The following DAGLA variants were observed in gnomAD, a reference collection of about 807,000 sequenced individuals.
DAGLA encodes diacylglycerol lipase alpha.
Under a neutral mutation model 102.6 loss-of-function variants are expected in DAGLA, and 22 were observed. The ratio of observed to expected loss-of-function variants is 0.21; its 90% CI spans 0.15 to 0.31. The LOEUF (loss-of-function observed/expected upper bound fraction) is 0.31. Among genes scored for constraint, DAGLA ranks in the 10% least tolerant of loss-of-function variants. The pLI, the probability that DAGLA is intolerant of heterozygous loss-of-function variation, is 1.00. For synonymous variants in DAGLA, 578 were observed against 628.9 expected, an observed-to-expected ratio of 0.92 and a Z score of 1.21; for missense variants, 927 against 1,446.6, an observed-to-expected ratio of 0.64 and a Z score of 5.83.
At chr11:61,719,433 A>G (rs992795263) in intron 1 of DAGLA, among the ~76,000 whole-genome samples, 1 of 152,258 alleles carries the variant, frequency 6.6e-6, no homozygotes, top group Non-Finnish European at 1.5e-5. Context: ...CCCTGGAGGC[A>G]TAGCTGTGGT....
chr11:61,702,544 C>T (rs1311801629), intron 1 of DAGLA, among the ~76,000 whole-genome samples: 1 of 152,220 alleles, frequency 6.6e-6, no homozygotes, highest in East Asian at 1.9e-4. Flanking sequence ...CCCCCTCATC[C>T]TCCAGATGAA....
chr11:61,703,504 G>A (rs1053454924), intron 1 of DAGLA, among the ~76,000 whole-genome samples: 2 of 152,212 alleles, frequency 1.3e-5, no homozygotes, highest in Non-Finnish European at 2.9e-5. Context: ...CGTTCGGCAC[G>A]CCTGGCCTGT....
intron 1 of DAGLA, among the ~76,000 whole-genome samples, chr11:61,708,255 G>A (rs570941074): frequency 8.5e-5 from 13 of 152,264 alleles, no homozygotes; most frequent in African/African-American, 2.4e-5. Context: ...TCATCCGCCC[G>A]CTTAGGCCTC....
chr11:61,698,724 G>A (rs2065086281), intron 1 of DAGLA, among the ~76,000 whole-genome samples: 1 of 152,198 alleles, frequency 6.6e-6, no homozygotes, highest in Non-Finnish European at 1.5e-5. Flanking sequence ...CAGCTGCTAG[G>A]CACCAGGCGT....
chr11:61,709,154 A>G (rs538821197), intron 1 of DAGLA, among the ~76,000 whole-genome samples: 1 of 152,158 alleles, frequency 6.6e-6, no homozygotes, highest in South Asian at 2.1e-4. Context: ...GTAAAACTCT[A>G]AAAGTCCAGA....
chr11:61,716,857 T>A (rs2065239469), intron 1 of DAGLA, among the ~76,000 whole-genome samples: 1 of 152,044 alleles, frequency 6.6e-6, no homozygotes, highest in African/African-American at 2.4e-5. Context: ...GCTGTGTGGG[T>A]GGGGGAAGAA....
At chr11:61,681,885 A>T (rs2135543019) in intron 1 of DAGLA, among the ~76,000 whole-genome samples, 1 of 152,312 alleles carries the variant, frequency 6.6e-6, no homozygotes, top group African/African-American at 2.4e-5. Context: ...ACAGAGAAGC[A>T]ATTTGCAGCT....
chr11:61,729,117 C>A (rs1002947734), intron 8 of DAGLA, 109 bp downstream of exon 8: 1 of 951,148 alleles, frequency 1.1e-6, no homozygotes, highest in Non-Finnish European at 1.7e-6. Context: ...GCCACATTGC[C>A]CCTGCCCGGT....
At chr11:61,707,138 G>A (rs2065156827) in intron 1 of DAGLA, among the ~76,000 whole-genome samples, 2 of 152,236 alleles carry the variant, frequency 1.3e-5, no homozygotes, top group South Asian at 4.1e-4. Context: ...CCGTGTCCTC[G>A]TGAAGTGGGA....
intron 9 of DAGLA, 55 bp downstream of exon 9, chr11:61,731,496 G>A: frequency 1.2e-6 from 2 of 1,602,814 alleles, no homozygotes; most frequent in Non-Finnish European, 1.7e-6. Flanking sequence ...CGGGTGGTGT[G>A]TGAGGAAGGG....
intron 12 of DAGLA, among the ~76,000 whole-genome samples, chr11:61,736,041 G>A (rs756133578): frequency 5.4e-4 from 82 of 152,144 alleles, no homozygotes; most frequent in Non-Finnish European, 1.0e-3. Flanking sequence ...AGGCAGCTGC[G>A]GAGAGATCAT....
intron 19 of DAGLA, among the ~76,000 whole-genome samples, chr11:61,742,316 C>G (rs1466355631): frequency 6.6e-6 from 1 of 152,150 alleles, no homozygotes; most frequent in Non-Finnish European, 1.5e-5. Flanking sequence ...AAGTGGTAGT[C>G]CTTCCAGGGG....
At chr11:61,685,089 C>T (rs1341202332) in intron 1 of DAGLA, among the ~76,000 whole-genome samples, 1 of 152,020 alleles carries the variant, frequency 6.6e-6, no homozygotes, top group Non-Finnish European at 1.5e-5. Context: ...TGGGGACAGT[C>T]CCCTCCCCCC....
At chr11:61,737,068 A>G in intron 13 of DAGLA, 114 bp from the exon 14 acceptor site, 1 of 1,448,748 alleles carries the variant, frequency 6.9e-7, no homozygotes, top group Admixed American at 1.7e-5. Flanking sequence ...CACAGCACAG[A>G]CAAGATCCCA....
chr11:61,710,150 A>C (rs1249378427), intron 1 of DAGLA, among the ~76,000 whole-genome samples: 2 of 152,138 alleles, frequency 1.3e-5, no homozygotes, highest in African/African-American at 4.8e-5. Context: ...CGTTGCCAGC[A>C]CCCAGACGGA....
intron 2 of DAGLA, among the ~76,000 whole-genome samples, 199 bp downstream of exon 2, chr11:61,720,449 C>A (rs1425408965): frequency 2.0e-5 from 3 of 152,210 alleles, no homozygotes; most frequent in Admixed American, 2.0e-4. Context: ...CTGACCCCAA[C>A]ACTGGGGGGA....
chr11:61,717,248 G>A (rs562503168), intron 1 of DAGLA, among the ~76,000 whole-genome samples: 92 of 152,258 alleles, frequency 6.0e-4, no homozygotes, highest in Non-Finnish European at 4.1e-4. Flanking sequence ...GTGATGGGCC[G>A]GGGTCTCTAG....
chr11:61,702,639 T>C (rs2851681), intron 1 of DAGLA, among the ~76,000 whole-genome samples: 144,244 of 152,308 alleles, frequency 0.95, 68,819 homozygotes, highest in South Asian at 1. Context: ...AGGTGCCCTC[T>C]GGGCCCCCGG....
chr11:61,683,428 C>G (rs1051977671), intron 1 of DAGLA, among the ~76,000 whole-genome samples: 1 of 152,210 alleles, frequency 6.6e-6, no homozygotes, highest in African/African-American at 2.4e-5. Flanking sequence ...ATACCTCCCC[C>G]GAGGAGTTGC....
Sources: gnomAD v4.1 joint callset for allele counts (sites outside exome capture counted in the v4.1 genomes callset) on GRCh38, gnomAD v4.1.1 for gene constraint, MANE v1.5 for transcripts, NCBI Gene and HGNC (gene_info 2026-07-23, HGNC 2026-07-21) for gene names.